IGF1R: variants seen among roughly 807,000 people sequenced by gnomAD.
IGF1R encodes the protein insulin like growth factor 1 receptor.
IGF1R carries 44 observed loss-of-function variants against 144.6 expected under a neutral mutation model. The ratio of observed to expected loss-of-function variants is 0.30; its 90% CI spans 0.24 to 0.39. The LOEUF (loss-of-function observed/expected upper bound fraction) is 0.39, where lower values mean the gene tolerates loss of function less well. Among genes scored for constraint, IGF1R ranks in the 10% least tolerant of loss-of-function variants. The pLI, the probability that IGF1R is intolerant of heterozygous loss-of-function variation, is 1.00. For missense variants in IGF1R, 1,355 were observed against 1,833.7 expected, an observed-to-expected ratio of 0.74 and a Z score of 4.77; for synonymous variants, 795 against 722.8, an observed-to-expected ratio of 1.10 and a Z score of -1.60.
At chr15:98,674,132 GAC>G (rs2052969466) in intron 1 of IGF1R, among the ~76,000 whole-genome samples, 1 of 57,700 alleles carries the variant, frequency 1.7e-5, no homozygotes, top group Non-Finnish European at 8.1e-5. Flanking sequence ...GTGGGTTTCA[GAC>G]ATATTTTAAA....
intron 1 of IGF1R, among the ~76,000 whole-genome samples, chr15:98,702,076 C>A (rs2053750330): frequency 2.4e-5 from 3 of 123,442 alleles, no homozygotes; most frequent in Non-Finnish European, 3.2e-5. Flanking sequence ...AAGGTTGTGT[C>A]TAAGACATAA....
chr15:98,900,646 G>C (rs1326439198), intron 5 of IGF1R: 3 of 152,168 alleles, frequency 2.0e-5, no homozygotes, highest in African/African-American at 7.2e-5. Context: ...CTCCCCACTG[G>C]GGAACACCAA....
At chr15:98,678,861 A>G (rs2053114965) in intron 1 of IGF1R, among the ~76,000 whole-genome samples, 1 of 151,450 alleles carries the variant, frequency 6.6e-6, no homozygotes. Flanking sequence ...TGACAGCTTT[A>G]AAAAAGGTCT....
At position 98,747,784 on chromosome 15, in the gene IGF1R, T is replaced by A. The variant is rs563067833; in HGVS notation, c.640+39677T>A. 1.1e-4 allele frequency among the ~76,000 whole-genome samples: 16 copies of A among 152,328 alleles called. No individual in the cohort carries two copies. In the East Asian group the frequency reaches 3.1e-3, roughly 29 times the overall value. On this transcript the variant is annotated intron_variant, in intron 2 of 20. Coordinates refer to ENST00000650285, the MANE Select transcript of IGF1R (RefSeq NM_000875.5). ...GTATTTCTCAAGAGCTAGAGAGAGA[T>A]GATACTATGACCAAATTTGGTTTGA...
chr15:98,896,149 T>G (rs2151650857), intron 3 of IGF1R, among the ~76,000 whole-genome samples: 1 of 152,338 alleles, frequency 6.6e-6, no homozygotes, highest in South Asian at 2.1e-4. Flanking sequence ...TTTGGATCAA[T>G]TTACAAGTTT....
rs192563586 is a variant in IGF1R, at chr15:98,787,509, C to A, written c.640+79402C>A. ...ATGAAAAGCTCTGTAACCCTCCCCCCACCTTTGCTATCAAGAAATGTTGGA... is the reference window on the plus strand; with the variant it reads ...ATGAAAAGCTCTGTAACCCTCCCCCAACCTTTGCTATCAAGAAATGTTGGA... On this transcript the variant is annotated intron_variant, in intron 2 of 20. Transcript: ENST00000650285. Among the ~76,000 whole-genome samples, 320 of 152,300 alleles carry A rather than the reference C, an allele frequency of 2.1e-3. 2 individuals are homozygous for A. The highest frequency in any genetic ancestry group is 0.02 in the Middle Eastern group (6 of 294).
chr15:98,712,756 C>G lies in IGF1R; in HGVS notation c.640+4649C>G, dbSNP rs188787545. Among the ~76,000 whole-genome samples the G allele has an allele frequency of 5.5e-3, 828 of 151,704 alleles. 9 individuals carry two copies. Among genetic ancestry groups the G allele is most frequent in the African/African-American group, 0.019 (777 of 41,296 alleles). On this transcript the variant is annotated intron_variant, in intron 2 of 20. Coordinates refer to ENST00000650285, the MANE Select transcript of IGF1R (RefSeq NM_000875.5). Reference sequence around the variant, plus strand: ...TCCTGAGTAGCTGGGATTACAGGCCCGCACCACCACACCCAGCTAATTTTT... The same window carrying G: ...TCCTGAGTAGCTGGGATTACAGGCCGGCACCACCACACCCAGCTAATTTTT...
intron 1 of IGF1R, chr15:98,660,596 C>T (rs189988071): frequency 6.6e-6 from 1 of 152,360 alleles, no homozygotes. Flanking sequence ...CATTGCACCT[C>T]TGCTAGCCAA....
chr15:98,898,312 G>C (rs1447495648), intron 4 of IGF1R, among the ~76,000 whole-genome samples: 2 of 152,166 alleles, frequency 1.3e-5, no homozygotes, highest in Non-Finnish European at 2.9e-5. Context: ...TAAACCCATG[G>C]AGAAGTATCA....
At chr15:98,824,046 AAT>A (rs2056847487) in intron 2 of IGF1R, 1 of 152,248 alleles carries the variant, frequency 6.6e-6, no homozygotes, top group East Asian at 1.9e-4. Context: ...TCTCATTAAA[AAT>A]ATGTTTGTCG....
chr15:98,928,969 C>G lies in IGF1R; in HGVS notation c.2783-589C>G, dbSNP rs76084464. 2.2e-3 allele frequency among the ~76,000 whole-genome samples: 336 copies of G among 152,206 alleles called. 2 individuals carry two copies. The highest frequency in any genetic ancestry group is 7.9e-3 in the African/African-American group (326 of 41,502). On this transcript the variant is annotated intron_variant, in intron 13 of 20. Transcript: ENST00000650285. ...GAACTATCTCAAAGATTGAGGCCAG[C>G]AGGACTTGACCTATACATAGATGTA... is the stretch of plus-strand genomic sequence containing the variant.
intron 2 of IGF1R, among the ~76,000 whole-genome samples, chr15:98,811,992 T>C (rs1479929479): frequency 6.6e-6 from 1 of 152,264 alleles, no homozygotes; most frequent in Non-Finnish European, 1.5e-5. Context: ...TTCTGTGCCC[T>C]CTGAATATTT....
intron 7 of IGF1R, among the ~76,000 whole-genome samples, chr15:98,912,353 C>T (rs938374058): frequency 6.6e-6 from 1 of 152,228 alleles, no homozygotes; most frequent in African/African-American, 2.4e-5. Flanking sequence ...TCATGATCTC[C>T]CATCCCATGA....
chr15:98,822,943 A>C (rs45619933), intron 2 of IGF1R, among the ~76,000 whole-genome samples: 2,192 of 152,320 alleles, frequency 0.014, 33 homozygotes, highest in Non-Finnish European at 0.023. Context: ...ATAGTATTGC[A>C]TGTGGTTTCT....
chr15:98,957,543 C>A lies in IGF1R; in HGVS notation c.*101C>A. 2 of 1,472,588 alleles carry A rather than the reference C, an allele frequency of 1.4e-6. No individual in the cohort carries two copies. Among genetic ancestry groups the A allele is most frequent in the Non-Finnish European group, 1.9e-6 (2 of 1,063,426 alleles). 91.2% of individuals were successfully genotyped at this position (1,472,588 alleles called of 1,614,324 possible). A position where few individuals can be genotyped will look rare whatever the true frequency, so the allele number is the denominator to read the frequency against. On this transcript the variant is annotated 3_prime_UTR_variant, in exon 21 of 21. Transcript: ENST00000650285. ...ACAATCCATTCACAAGCCTCCTGTACCTCAGTGGATCTTCAGAACTGCCCT... is the reference window on the plus strand; with the variant it reads ...ACAATCCATTCACAAGCCTCCTGTAACTCAGTGGATCTTCAGAACTGCCCT...
chr15:98,729,479 CAGT>C (rs558186882), intron 2 of IGF1R, among the ~76,000 whole-genome samples: 611 of 151,736 alleles, frequency 4.0e-3, no homozygotes, highest in Non-Finnish European at 7.0e-3. Flanking sequence ...TTTCAAAGGT[CAGT>C]AGGTGTTATC....
intron 1 of IGF1R, among the ~76,000 whole-genome samples, chr15:98,688,616 G>A (rs541664733): frequency 2.0e-5 from 3 of 152,214 alleles, no homozygotes; most frequent in South Asian, 4.1e-4. Flanking sequence ...TAGCTGGTGG[G>A]AGAATTTTGA....
At chr15:98,946,031 G>A (rs541167911) in intron 19 of IGF1R, among the ~76,000 whole-genome samples, 5 of 152,004 alleles carry the variant, frequency 3.3e-5, no homozygotes, top group Non-Finnish European at 4.4e-5. Context: ...TGACGATGAC[G>A]ACGATGACAG....
intron 2 of IGF1R, among the ~76,000 whole-genome samples, chr15:98,746,879 A>G (rs911010842): frequency 1.3e-5 from 2 of 152,154 alleles, no homozygotes; most frequent in African/African-American, 4.8e-5. Flanking sequence ...TGGTGTCAGT[A>G]ATTTCACTAA....
Sources: allele counts gnomAD v4.1 joint callset (sites outside exome capture counted in the v4.1 genomes callset), GRCh38; gene constraint gnomAD v4.1.1; transcripts MANE v1.5; gene names NCBI Gene and HGNC (gene_info 2026-07-23, HGNC 2026-07-21).